ODF2L: variants seen among roughly 807,000 people sequenced by gnomAD.
The protein encoded by ODF2L is protein BCAP.
In ODF2L, 76 loss-of-function variants were observed where a neutral mutation model predicts 86.3. That is an observed-to-expected ratio of 0.88 (90% confidence interval 0.73 to 1.07). The LOEUF (loss-of-function observed/expected upper bound fraction) is 1.07. Ranked by LOEUF, ODF2L falls within the 50% of genes least tolerant of loss-of-function variation. The probability of loss-of-function intolerance (pLI) is 0.00; values close to 1 mark genes in which losing one functional copy is unlikely to be tolerated. For synonymous variants in ODF2L, 241 were observed against 231.3 expected, an observed-to-expected ratio of 1.04 and a Z score of -0.38; for missense variants, 748 against 717.4, an observed-to-expected ratio of 1.04 and a Z score of -0.49.
chr1:86,352,420 G>A (rs1323381000), intron 17 of ODF2L, among the ~76,000 whole-genome samples: 1 of 152,018 alleles, frequency 6.6e-6, no homozygotes, highest in South Asian at 2.1e-4. Context: ...CATCTCACAT[G>A]TATATCTAAC....
At chr1:86,370,403 T>A (rs374807773) in intron 10 of ODF2L, among the ~76,000 whole-genome samples, 2 of 152,198 alleles carry the variant, frequency 1.3e-5, no homozygotes, top group Non-Finnish European at 2.9e-5. Flanking sequence ...ATATTATTTA[T>A]CCTGTGCACA....
chr1:86,364,656 T>C (rs1034796241), intron 11 of ODF2L, among the ~76,000 whole-genome samples: 3 of 152,080 alleles, frequency 2.0e-5, no homozygotes, highest in Non-Finnish European at 4.4e-5. Flanking sequence ...GGAGGAAATT[T>C]TTTAAAAAGG....
In ODF2L at chr1:86,394,169, T is replaced by C. The variant is rs748736558; in HGVS notation, c.-60+1864A>G. On this transcript the variant is annotated intron_variant, in intron 1 of 17. Transcript: ENST00000317336. The stretch of plus-strand genomic sequence containing the variant: ...TAAATTAAATCTTAGAAGGGTTAAA[T>C]AGCTTGTCCAAGATTACAAGTAAGG... Among the ~76,000 whole-genome samples, 103 of 152,190 alleles carry C rather than the reference T, an allele frequency of 6.8e-4. 1 individual carries two copies. The highest frequency in any genetic ancestry group is 4.3e-4 in the Non-Finnish European group (29 of 68,034).
intron 13 of ODF2L, among the ~76,000 whole-genome samples, chr1:86,357,276 C>T (rs1460587829): frequency 6.6e-6 from 1 of 152,018 alleles, no homozygotes; most frequent in Non-Finnish European, 1.5e-5. Flanking sequence ...TAGCCAGACT[C>T]TTTCCCTGAG....
intron 11 of ODF2L, among the ~76,000 whole-genome samples, chr1:86,366,391 T>TACACAC (rs71643841): frequency 0.028 from 3,293 of 119,240 alleles, 190 homozygotes; most frequent in African/African-American, 0.095. Context: ...AGACCCCACC[T>TACACAC]ACACACACAC....
rs1041295815 is a variant in ODF2L at position 86,355,248 on chromosome 1, C to T, written c.1519-389G>A. On this transcript the variant is annotated intron_variant, in intron 14 of 17. Coordinates refer to ENST00000317336, the Ensembl canonical transcript of ODF2L. ...TGGTTTTCTGTTTCACCTAAAAATA[C>T]TGATTAATAATTGAGTATCTGTGAA... The T allele has an allele frequency of 5.1e-6, 4 of 789,718 alleles. No homozygotes were observed. In the African/African-American group the frequency reaches 5.3e-5, roughly 10 times the overall value. The allele number at this position is 789,718 out of a possible 1,614,324, so 48.9% of individuals were successfully genotyped here. A position where few individuals can be genotyped will look rare whatever the true frequency, so the allele number is the denominator to read the frequency against.
downstream of ODF2L, chr1:86,349,983 C>A (rs1658013957): frequency 5.1e-6 from 1 of 196,508 alleles, no homozygotes; most frequent in South Asian, 1.8e-4. Context: ...GCCCACTTAA[C>A]TGTCCCCTGG....
At chr1:86,372,498 T>C in exon 9 of ODF2L, 1 of 1,532,206 alleles carries the variant, frequency 6.5e-7, no homozygotes, top group Non-Finnish European at 8.7e-7. Flanking sequence ...TAATGACTTT[T>C]CCAGGCATTG....
chr1:86,382,772 G>A (rs1401934974), intron 6 of ODF2L, among the ~76,000 whole-genome samples, 159 bp downstream of exon 6: 3 of 151,760 alleles, frequency 2.0e-5, no homozygotes, highest in Non-Finnish European at 4.4e-5. Flanking sequence ...AAATTAAGAT[G>A]TTATATTTGA....
At chr1:86,372,097 G>A (rs1659825256) in intron 9 of ODF2L, among the ~76,000 whole-genome samples, 1 of 151,176 alleles carries the variant, frequency 6.6e-6, no homozygotes, top group South Asian at 2.1e-4. Flanking sequence ...GCTGAAACAG[G>A]AAAATCACTT....
chr1:86,374,436 T>C (rs975720433), intron 8 of ODF2L, among the ~76,000 whole-genome samples: 8 of 152,166 alleles, frequency 5.3e-5, no homozygotes, highest in Non-Finnish European at 1.0e-4. Context: ...TAGAGATTTT[T>C]TGAGTTGGCC....
downstream of ODF2L, chr1:86,349,921 C>T (rs1658010849): frequency 6.4e-6 from 1 of 155,798 alleles, no homozygotes; most frequent in African/African-American, 2.4e-5. Context: ...GACATGCTTT[C>T]AGAGTGCTTA....
exon 9 of ODF2L, chr1:86,372,529 C>T (rs765157688): frequency 2.7e-6 from 4 of 1,504,714 alleles, no homozygotes; most frequent in Non-Finnish European, 3.5e-6. Flanking sequence ...TTGTTTCAGA[C>T]AACTTGGCTT....
At chr1:86,346,942 C>T (rs1233805916), downstream of ODF2L, 1 of 152,220 alleles carries the variant, frequency 6.6e-6, no homozygotes, top group Non-Finnish European at 1.5e-5. Flanking sequence ...CACTTACTAG[C>T]TGTGCGACCT....
At chr1:86,384,636 A>G (rs749418742) in intron 4 of ODF2L, 40 bp downstream of exon 4, 1 of 1,237,596 alleles carries the variant, frequency 8.1e-7, no homozygotes, top group African/African-American at 1.6e-5. Flanking sequence ...CAAATGAGAA[A>G]TATCACTATT....
intron 1 of ODF2L, among the ~76,000 whole-genome samples, chr1:86,391,325 C>A (rs1301818597): frequency 3.9e-5 from 6 of 152,092 alleles, no homozygotes; most frequent in Non-Finnish European, 8.8e-5. Flanking sequence ...CTTCACAGAA[C>A]TAGAAAAAAC....
chr1:86,347,144 G>C (rs1275755705), downstream of ODF2L: 1 of 152,212 alleles, frequency 6.6e-6, no homozygotes, highest in African/African-American at 2.4e-5. Flanking sequence ...GAATTTAAAT[G>C]CCAACTTTAA....
intron 13 of ODF2L, chr1:86,358,545 A>T (rs1658767919): frequency 5.0e-6 from 1 of 200,958 alleles, no homozygotes; most frequent in Non-Finnish European, 9.8e-6. Flanking sequence ...TGCATCAGAA[A>T]AATTAAACAT....
Position 86,385,711 on chromosome 1 carries a change from T to C in ODF2L, c.114-121A>G, listed in dbSNP as rs188627205. 2.8e-4 allele frequency: 181 copies of C among 640,304 alleles called. 1 individual carries two copies. In the African/African-American group the frequency reaches 2.9e-3, roughly 10 times the overall value. The allele number at this position is 640,304 out of a possible 1,614,324, so 39.7% of individuals were successfully genotyped here. On this transcript the variant is annotated intron_variant, in intron 2 of 17. Transcript: ENST00000317336. ...GCAAGGACAACTTTTAGTTCAAAAG[T>C]AGCTCGAAACTTGGACTTTGAGTGT...
Sources: gnomAD v4.1 joint callset for allele counts (sites outside exome capture counted in the v4.1 genomes callset) on GRCh38, gnomAD v4.1.1 for gene constraint, MANE v1.5 for transcripts, NCBI Gene and HGNC (gene_info 2026-07-23, HGNC 2026-07-21) for gene names.